The following GALNT7 variants were observed in gnomAD, a reference collection of about 807,000 sequenced individuals.
GALNT7 encodes polypeptide N-acetylgalactosaminyltransferase 7, also known as N-acetylgalactosaminyltransferase 7.
In GALNT7, 60 loss-of-function variants were observed where a neutral mutation model predicts 82.1. The ratio of observed to expected loss-of-function variants is 0.73; its 90% confidence interval spans 0.59 to 0.91. GALNT7 has a LOEUF of 0.91. Ranked by LOEUF, GALNT7 falls within the 40% of genes least tolerant of loss-of-function variation. The pLI is 0.00. For missense variants in GALNT7, 660 were observed against 804.2 expected (o/e 0.82, Z 2.17); for synonymous variants, 243 against 275.1 (o/e 0.88, Z 1.15).
intron 1 of GALNT7, among the ~76,000 whole-genome samples, chr4:173,180,514 G>T (rs1478698301): frequency 2.0e-5 from 3 of 152,088 alleles, no homozygotes; most frequent in African/African-American, 7.2e-5. Flanking sequence ...TTTTAGTAGA[G>T]ATGGGGTTTC....
rs368178338 is a variant in GALNT7, at chr4:173,277,875, A to G, written c.588-14233A>G. Among the ~76,000 whole-genome samples the G allele has an allele frequency of 3.3e-5, 5 of 152,318 alleles. No homozygotes were observed. The South Asian group carries it at 1.0e-3, about 32-fold the overall frequency. ...CCATATTGAAAGTATTATAACTGAC[A>G]TCTTAAGAGTGCACTAGATTTGTTA... On this transcript the variant is annotated intron_variant, in intron 2 of 11. Coordinates refer to ENST00000265000, the MANE Select transcript of GALNT7 (RefSeq NM_017423.3).
chr4:173,308,263 C>T (rs780611935), intron 8 of GALNT7, among the ~76,000 whole-genome samples: 1 of 152,148 alleles, frequency 6.6e-6, no homozygotes, highest in Non-Finnish European at 1.5e-5. Flanking sequence ...ACTTTGCCAT[C>T]TTGGTGACCT....
chr4:173,304,188 T>A, intron 8 of GALNT7, 70 bp downstream of exon 8: 1 of 1,362,462 alleles, frequency 7.3e-7, no homozygotes. Context: ...AGTAGTTACT[T>A]AACAATTGTC....
intron 1 of GALNT7, among the ~76,000 whole-genome samples, chr4:173,194,809 G>T (rs547829403): frequency 6.6e-6 from 1 of 152,054 alleles, no homozygotes; most frequent in African/African-American, 2.4e-5. Flanking sequence ...CCCACAACAG[G>T]CCCCGGTGTG....
At chr4:173,171,906 G>T (rs907384064) in intron 1 of GALNT7, among the ~76,000 whole-genome samples, 2 of 152,132 alleles carry the variant, frequency 1.3e-5, no homozygotes, top group African/African-American at 4.8e-5. Flanking sequence ...ACCATAGGGG[G>T]CAAGAAAATG....
At chr4:173,179,775 A>G (rs1480896396) in intron 1 of GALNT7, among the ~76,000 whole-genome samples, 3 of 152,190 alleles carry the variant, frequency 2.0e-5, no homozygotes, top group African/African-American at 7.2e-5. Flanking sequence ...TATATTCCTT[A>G]GAAAGCCTAA....
rs1733704817 is a variant in GALNT7, at chr4:173,223,465, G to T, written c.127-24515G>T. Among the ~76,000 whole-genome samples the T allele has an allele frequency of 2.7e-5, 3 of 109,906 alleles. No individual in the cohort carries two copies. In the South Asian group the frequency reaches 1.2e-3, roughly 43 times the overall value. 72.1% of individuals were successfully genotyped at this position (109,906 alleles called of 152,430 possible). On this transcript the variant is annotated intron_variant, in intron 1 of 11. Transcript: ENST00000265000. Reference sequence around the variant, plus strand: ...CTTATATAAAAACTCTGTAATGGTAGCATAACTATTCAGTAATGTTACTAA... The same window carrying T: ...CTTATATAAAAACTCTGTAATGGTATCATAACTATTCAGTAATGTTACTAA...
rs1197403111 is a variant in GALNT7 at position 173,298,212 on chromosome 4, G to A, written c.1063G>A (p.Ala355Thr). Residue 355 changes from alanine to threonine, a missense_variant, in exon 6 of 12, where the codon GCA becomes ACA. Ala to Thr is a moderately conservative substitution (Grantham distance 58, BLOSUM62 0). Coordinates refer to ENST00000265000, the MANE Select transcript of GALNT7 (RefSeq NM_017423.3). ...TGATGAAGATGGGTATGCCCGAGGA[G>A]CATGGGATTGGAGTATGCTCTGGAA... Reference protein sequence around the residue: ...GGDEDGYARGAWDWSMLWKRV... With the variant: ...GGDEDGYARGTWDWSMLWKRV... 1 of 1,613,732 alleles carries A rather than the reference G, an allele frequency of 6.2e-7. No individual in the cohort carries two copies.
At chr4:173,198,579 T>C (rs1201075880) in intron 1 of GALNT7, among the ~76,000 whole-genome samples, 1 of 152,216 alleles carries the variant, frequency 6.6e-6, no homozygotes, top group African/African-American at 2.4e-5. Context: ...TACCTGCCTC[T>C]TAAAGATTCA....
chr4:173,222,766 G>A (rs575308016), intron 1 of GALNT7, among the ~76,000 whole-genome samples: 5 of 152,196 alleles, frequency 3.3e-5, no homozygotes, highest in African/African-American at 1.2e-4. Context: ...GAAGGCATTG[G>A]CTGTACAATG....
intron 2 of GALNT7, among the ~76,000 whole-genome samples, chr4:173,287,511 C>G (rs1192380905): frequency 6.6e-6 from 1 of 152,234 alleles, no homozygotes; most frequent in Non-Finnish European, 1.5e-5. Context: ...AGAAAAGAGG[C>G]AAGAGAAGAG....
At chr4:173,203,807 AT>A (rs1733013867) in intron 1 of GALNT7, among the ~76,000 whole-genome samples, 1 of 152,184 alleles carries the variant, frequency 6.6e-6, no homozygotes, top group South Asian at 2.1e-4. Flanking sequence ...GTATCAACAA[AT>A]TACATTGTAG....
intron 1 of GALNT7, among the ~76,000 whole-genome samples, chr4:173,218,138 A>C (rs60388714): frequency 6.6e-6 from 1 of 152,170 alleles, no homozygotes; most frequent in African/African-American, 2.4e-5. Context: ...TTCAGCATAA[A>C]TGATAATAAA....
At chr4:173,210,629 C>T (rs1733249382) in intron 1 of GALNT7, among the ~76,000 whole-genome samples, 1 of 151,792 alleles carries the variant, frequency 6.6e-6, no homozygotes, top group African/African-American at 2.4e-5. Flanking sequence ...CACGGGGTTT[C>T]ACCACGTTGC....
chr4:173,184,036 C>T (rs546049826), intron 1 of GALNT7, among the ~76,000 whole-genome samples: 109 of 145,054 alleles, frequency 7.5e-4, no homozygotes, highest in Non-Finnish European at 1.0e-3. Context: ...ACATTCCAGA[C>T]GATGGGCGGC....
intron 2 of GALNT7, among the ~76,000 whole-genome samples, chr4:173,270,051 T>C (rs1735667374): frequency 6.6e-6 from 1 of 152,178 alleles, no homozygotes; most frequent in African/African-American, 2.4e-5. Flanking sequence ...CTGAAAAATA[T>C]AAAAAGATAA....
intron 1 of GALNT7, among the ~76,000 whole-genome samples, chr4:173,184,326 C>T (rs1171238854): frequency 1.3e-5 from 2 of 152,050 alleles, no homozygotes; most frequent in African/African-American, 2.4e-5. Flanking sequence ...ACTGAGTGAG[C>T]GAGACTCCGT....
intron 1 of GALNT7, among the ~76,000 whole-genome samples, chr4:173,246,102 A>T (rs1734623618): frequency 6.6e-6 from 1 of 152,198 alleles, no homozygotes; most frequent in South Asian, 2.1e-4. Context: ...TCAACTTTCC[A>T]GCTTATCTCA....
intron 11 of GALNT7, among the ~76,000 whole-genome samples, chr4:173,319,599 G>A (rs769574807): frequency 1.6e-4 from 25 of 152,050 alleles, no homozygotes; most frequent in Non-Finnish European, 3.1e-4. Flanking sequence ...TAGTAAAAGA[G>A]GGCTAACACA....
Sources: gnomAD v4.1 joint callset for allele counts (sites outside exome capture counted in the v4.1 genomes callset) on GRCh38, gnomAD v4.1.1 for gene constraint, MANE v1.5 for transcripts, NCBI Gene and HGNC (gene_info 2026-07-23, HGNC 2026-07-21) for gene names.